MIPEP: variants seen among roughly 807,000 people sequenced by gnomAD.
MIPEP encodes the protein mitochondrial intermediate peptidase.
MIPEP carries 79 observed loss-of-function variants against 90.3 expected under a neutral mutation model. That is an observed-to-expected ratio of 0.87 (90% CI 0.73 to 1.05). MIPEP has a LOEUF of 1.05. Ranked by LOEUF, MIPEP falls within the 50% of genes least tolerant of loss-of-function variation. The probability of loss-of-function intolerance (pLI) is 0.00; values close to 1 mark genes in which losing one functional copy is unlikely to be tolerated. For synonymous variants in MIPEP, 334 were observed against 315.8 expected, an observed-to-expected ratio of 1.06 and a Z score of -0.61; for missense variants, 940 against 905.6, an observed-to-expected ratio of 1.04 and a Z score of -0.49.
At chr13:23,854,437 C>CA (rs528623281) in intron 10 of MIPEP, among the ~76,000 whole-genome samples, 15 of 149,884 alleles carry the variant, frequency 1.0e-4, no homozygotes, top group Admixed American at 6.0e-4. Flanking sequence ...TTTCTCACAT[C>CA]AAAAAAAAAG....
chr13:23,782,115 C>T (rs1952789061), intron 16 of MIPEP, among the ~76,000 whole-genome samples: 1 of 152,056 alleles, frequency 6.6e-6, no homozygotes, highest in Admixed American at 6.6e-5. Flanking sequence ...CTAATAGACA[C>T]CTACAGAACT....
Position 23,785,660 on chromosome 13 carries a change from TA to T in MIPEP, c.1848+20289del, listed in dbSNP as rs915823403. 2.8e-4 allele frequency among the ~76,000 whole-genome samples: 42 copies of T among 148,914 alleles called. 1 individual carries two copies. Among genetic ancestry groups the T allele is most frequent in the Admixed American group, 2.1e-3 (32 of 14,974 alleles). ...AAAAGAAAAAAAGAAAGAAGTCCTC[TA>T]AAAAAAGAAAAAAAGGGTGTATGAG... is the stretch of plus-strand genomic sequence containing the variant. On this transcript the variant is annotated intron_variant, in intron 16 of 18. Transcript: ENST00000382172.
At chr13:23,802,503 G>C (rs757320430) in intron 16 of MIPEP, among the ~76,000 whole-genome samples, 1 of 152,144 alleles carries the variant, frequency 6.6e-6, no homozygotes. Flanking sequence ...AGGAGGCAAA[G>C]GTTGCAGTGA....
At chr13:23,854,666 C>T (rs1046910407) in intron 10 of MIPEP, among the ~76,000 whole-genome samples, 4 of 151,562 alleles carry the variant, frequency 2.6e-5, no homozygotes, top group East Asian at 3.9e-4. Flanking sequence ...CTGAGGCAGG[C>T]GGATCACTTG....
Position 23,862,352 on chromosome 13 carries a change from C to A in MIPEP, c.1003G>T (p.Asp335Tyr). 1 of 1,579,028 alleles carries A rather than the reference C, an allele frequency of 6.3e-7. No individual in the cohort carries two copies. The highest frequency in any genetic ancestry group is 8.7e-7 in the Non-Finnish European group (1 of 1,155,412). Residue 335 changes from aspartate (D) to tyrosine (Y), a missense_variant, in exon 9 of 19, where the codon GAT (aspartate) becomes TAT (tyrosine). Coordinates refer to ENST00000382172, the MANE Select transcript of MIPEP (RefSeq NM_005932.4). The stretch of plus-strand genomic sequence containing the variant: ...TTCATCCCTCGTATCATCTCAAAAT[C>A]TTTCAGAGTTCTATAAAACAGGTTT... ...SDKLSERTLK[D>Y]FEMIRGMKMK...
chr13:23,831,742 C>A (rs1434802947), intron 14 of MIPEP, among the ~76,000 whole-genome samples: 29 of 152,134 alleles, frequency 1.9e-4, no homozygotes, highest in Admixed American at 1.9e-3. Flanking sequence ...AGGACCTAAT[C>A]ACATCTCAAA....
At chr13:23,801,704 T>C (rs1953044283) in intron 16 of MIPEP, among the ~76,000 whole-genome samples, 1 of 152,242 alleles carries the variant, frequency 6.6e-6, no homozygotes, top group Non-Finnish European at 1.5e-5. Flanking sequence ...GTTTGATTCA[T>C]CTGGTATTCA....
At chr13:23,788,448 G>T (rs951518461) in intron 16 of MIPEP, among the ~76,000 whole-genome samples, 6 of 152,180 alleles carry the variant, frequency 3.9e-5, no homozygotes, top group African/African-American at 1.4e-4. Context: ...CCACCAACTG[G>T]AATGTCATTG....
Position 23,889,151 on chromosome 13 carries a change from T to C in MIPEP, c.170A>G (p.Asp57Gly). 6.9e-7 allele frequency: 1 copy of C among 1,459,080 alleles called. No individual in the cohort carries two copies. The highest frequency in any genetic ancestry group is 9.0e-7 in the Non-Finnish European group (1 of 1,106,956). The allele number at this position is 1,459,080 out of a possible 1,614,324, so 90.4% of individuals were successfully genotyped here. A position where few individuals can be genotyped will look rare whatever the true frequency, so the allele number is the denominator to read the frequency against. Reference sequence around the variant, plus strand: ...GCTCACCCGGCGCTCGCCGAACAGGTCCAAGCGGCTGCCCTGGGGCTTGAC... The same window carrying C: ...GCTCACCCGGCGCTCGCCGAACAGGCCCAAGCGGCTGCCCTGGGGCTTGAC... The part of the protein sequence containing the change: ...FNVKPQGSRL[D>G]LFGERRGLFG... The change falls in exon 1 of 19, where the codon GAC (aspartate) becomes GGC (glycine). Residue 57 changes from aspartate to glycine, a missense_variant. By Grantham distance (94) the Asp-to-Gly change is moderately conservative. Coordinates refer to ENST00000382172, the MANE Select transcript of MIPEP (RefSeq NM_005932.4).
At chr13:23,795,431 A>G (rs1334542660) in intron 16 of MIPEP, among the ~76,000 whole-genome samples, 1 of 152,184 alleles carries the variant, frequency 6.6e-6, no homozygotes, top group East Asian at 1.9e-4. Flanking sequence ...AAGCAACCCT[A>G]AGATTTCTGT....
At chr13:23,737,124 C>T (rs930153269) in intron 18 of MIPEP, among the ~76,000 whole-genome samples, 1 of 152,226 alleles carries the variant, frequency 6.6e-6, no homozygotes, top group African/African-American at 2.4e-5. Context: ...ACCCAACTTA[C>T]ACGGCTTCCG....
At position 23,886,371 on chromosome 13, in the gene MIPEP, C is replaced by G; in HGVS notation, c.325G>C (p.Asp109His). The G allele has an allele frequency of 6.2e-7, 1 of 1,601,148 alleles. No homozygotes were observed. The highest frequency in any genetic ancestry group is 8.5e-7 in the Non-Finnish European group (1 of 1,173,432). The change falls in exon 2 of 19, where the codon GAT becomes CAT. Residue 109 changes from aspartate to histidine, a missense_variant. By Grantham distance (81) the Asp-to-His change is moderately conservative. Transcript: ENST00000382172. ...PPGPQTVLIF[D>H]ELSDSLCRVA... The stretch of plus-strand genomic sequence containing the variant: ...CTGCATAAGGAATCCGAGAGCTCAT[C>G]GAAGATCAGCACGGTCTGGGGCCCA...
At chr13:23,857,032 C>T (rs1397964940) in intron 10 of MIPEP, among the ~76,000 whole-genome samples, 1 of 151,780 alleles carries the variant, frequency 6.6e-6, no homozygotes, top group East Asian at 1.9e-4. Flanking sequence ...ATTTACATTA[C>T]TCTCCAATGT....
At chr13:23,816,016 A>G (rs1284811110) in intron 14 of MIPEP, among the ~76,000 whole-genome samples, 1 of 152,182 alleles carries the variant, frequency 6.6e-6, no homozygotes, top group African/African-American at 2.4e-5. Flanking sequence ...TTGAACGAAA[A>G]GTCTACTGTA....
chr13:23,794,752 C>T lies in MIPEP; in HGVS notation c.1848+11198G>A, dbSNP rs142664003. Among the ~76,000 whole-genome samples the T allele has an allele frequency of 1.0e-3, 155 of 152,046 alleles. 2 individuals are homozygous for T. The highest frequency in any genetic ancestry group is 3.6e-3 in the African/African-American group (148 of 41,464). ...CAAAGGACCATATTAAAAAAACAACCGGGTAGTCATAATTTCCTCATGTTT... is the reference window on the plus strand; with the variant it reads ...CAAAGGACCATATTAAAAAAACAACTGGGTAGTCATAATTTCCTCATGTTT... On this transcript the variant is annotated intron_variant, in intron 16 of 18. Coordinates refer to ENST00000382172, the MANE Select transcript of MIPEP (RefSeq NM_005932.4).
At chr13:23,782,357 C>T (rs1161972503) in intron 16 of MIPEP, among the ~76,000 whole-genome samples, 5 of 152,046 alleles carry the variant, frequency 3.3e-5, no homozygotes, top group Admixed American at 6.6e-5. Context: ...GAACGACCAC[C>T]GGGTACATGA....
chr13:23,747,678 T>A (rs927867582), intron 18 of MIPEP: 3 of 392,498 alleles, frequency 7.6e-6, no homozygotes, highest in Non-Finnish European at 1.5e-5. Flanking sequence ...AATATTCATG[T>A]GATAAAAAAA....
chr13:23,739,383 T>C (rs772503571), intron 18 of MIPEP, among the ~76,000 whole-genome samples: 3 of 152,254 alleles, frequency 2.0e-5, no homozygotes, highest in Non-Finnish European at 4.4e-5. Context: ...AGGGTATGTT[T>C]TGATTACTAG....
Position 23,879,358 on chromosome 13 carries a change from G to A in MIPEP, c.453-4C>T. ...TAAATCCACATTTGTGTTCAACCTA[G>A]AAAAAATAGAAATTTAAAAAATTAG... On this transcript the variant is annotated splice_region_variant and splice_polypyrimidine_tract_variant and intron_variant, in intron 3 of 18. Transcript: ENST00000382172. 7.0e-7 allele frequency: 1 copy of A among 1,431,470 alleles called. No individual in the cohort carries two copies. Among genetic ancestry groups the A allele is most frequent in the East Asian group, 2.3e-5 (1 of 44,042 alleles). The allele number at this position is 1,431,470 out of a possible 1,614,324, so 88.7% of individuals were successfully genotyped here.
Sources: gnomAD v4.1 joint callset for allele counts (sites outside exome capture counted in the v4.1 genomes callset) on GRCh38, gnomAD v4.1.1 for gene constraint, MANE v1.5 for transcripts, NCBI Gene and HGNC (gene_info 2026-07-23, HGNC 2026-07-21) for gene names.